Variants in PSMB2 observed in about 807,000 individuals in gnomAD.
PSMB2 encodes proteasome 20S subunit beta 2, also known as proteasome subunit beta type-2.
PSMB2 carries 13 observed loss-of-function variants against 25.7 expected under a neutral mutation model. The ratio of observed to expected loss-of-function variants is 0.51; its 90% CI spans 0.33 to 0.80. PSMB2 has a LOEUF of 0.80. PSMB2 is among the 30% of genes least tolerant of loss of function. The pLI, the probability that PSMB2 is intolerant of heterozygous loss-of-function variation, is 0.02. For missense variants in PSMB2, 202 were observed against 259.0 expected, an observed-to-expected ratio of 0.78 and a Z score of 1.51; for synonymous variants, 87 against 96.2, an observed-to-expected ratio of 0.90 and a Z score of 0.56.
chr1:35,641,426 A>C lies in PSMB2; in HGVS notation c.7T>G (p.Tyr3Asp). Reference sequence around the variant, plus strand: ...TCGGGGCCTTGGATACCGATGAGGTACTCCATGGTGGCGGAAGGCCAGGGG... The same window carrying C: ...TCGGGGCCTTGGATACCGATGAGGTCCTCCATGGTGGCGGAAGGCCAGGGG... ME[Y>D]LIGIQGPDYV... is the part of the protein sequence containing the mutation. Residue 3 changes from tyrosine to aspartate, a missense_variant, in exon 1 of 6, where the codon TAC (tyrosine) becomes GAC (aspartate). Coordinates refer to ENST00000373237, the MANE Select transcript of PSMB2 (RefSeq NM_002794.5). 1.2e-6 allele frequency: 2 copies of C among 1,613,982 alleles called. No homozygotes were observed. Among genetic ancestry groups the C allele is most frequent in the Admixed American group, 3.3e-5 (2 of 60,012 alleles).
chr1:35,623,787 C>T (rs969943197), intron 3 of PSMB2, among the ~76,000 whole-genome samples: 77 of 152,308 alleles, frequency 5.1e-4, no homozygotes, highest in African/African-American at 1.7e-3. Context: ...CTGCTAACCA[C>T]GTTTGCCAAA....
intron 1 of PSMB2, among the ~76,000 whole-genome samples, chr1:35,638,750 CAA>C (rs1444991844): frequency 6.6e-6 from 1 of 152,122 alleles, no homozygotes; most frequent in Admixed American, 6.5e-5. Context: ...ATAAGCAAAC[CAA>C]AAGTTATACC....
chr1:35,608,991 C>T (rs1033774928), intron 4 of PSMB2, among the ~76,000 whole-genome samples: 3 of 152,222 alleles, frequency 2.0e-5, no homozygotes, highest in Non-Finnish European at 1.5e-5. Flanking sequence ...TATTCCAATC[C>T]TCCTTCAAAA....
intron 3 of PSMB2, among the ~76,000 whole-genome samples, chr1:35,627,281 A>G (rs1650894427): frequency 6.7e-6 from 1 of 149,176 alleles, no homozygotes; most frequent in African/African-American, 2.5e-5. Flanking sequence ...AAAAAAAAAA[A>G]AGCACAACAA....
At chr1:35,619,199 T>A (rs996902801) in intron 3 of PSMB2, among the ~76,000 whole-genome samples, 2 of 152,236 alleles carry the variant, frequency 1.3e-5, no homozygotes, top group Non-Finnish European at 2.9e-5. Flanking sequence ...TGTTCAAATG[T>A]TTTTGCTTAA....
Position 35,601,756 on chromosome 1 carries a change from GT to G in PSMB2, c.*1510del, listed in dbSNP as rs777809008. 1 of 985,272 alleles carries G rather than the reference GT, an allele frequency of 1.0e-6. No homozygotes were observed. The highest frequency in any genetic ancestry group is 1.2e-6 in the Non-Finnish European group (1 of 829,902). The allele number at this position is 985,272 out of a possible 1,614,324, so 61.0% of individuals were successfully genotyped here. ...GGAGACCAAATGGTTTTGATATGTG[GT>G]TCCTAGACCAGCAGCATCAGTAGCA... On this transcript the variant is annotated 3_prime_UTR_variant, in exon 6 of 6. Transcript: ENST00000373237.
intron 2 of PSMB2, among the ~76,000 whole-genome samples, chr1:35,635,844 A>G (rs1023579864): frequency 7.3e-5 from 11 of 151,252 alleles, no homozygotes; most frequent in African/African-American, 1.9e-4. Context: ...AAAAAAAAAA[A>G]AAAAAAAAGA....
At chr1:35,621,704 T>C (rs1417299100) in intron 3 of PSMB2, among the ~76,000 whole-genome samples, 1 of 152,172 alleles carries the variant, frequency 6.6e-6, no homozygotes, top group East Asian at 1.9e-4. Context: ...AAATAACTCA[T>C]ACACATAAAA....
At chr1:35,624,122 G>T (rs1650777609) in intron 3 of PSMB2, among the ~76,000 whole-genome samples, 1 of 152,132 alleles carries the variant, frequency 6.6e-6, no homozygotes. Context: ...TGCTGGAAAT[G>T]ACTAAGACCT....
chr1:35,617,936 T>C (rs1189216171), intron 3 of PSMB2, among the ~76,000 whole-genome samples: 1 of 152,202 alleles, frequency 6.6e-6, no homozygotes, highest in Non-Finnish European at 1.5e-5. Flanking sequence ...GGTTAATTGG[T>C]GCCAAGGAAC....
Position 35,599,563 on chromosome 1 carries a change from T to C in PSMB2, c.*3704A>G, listed in dbSNP as rs1649927257. The C allele has an allele frequency of 1.0e-6, 1 of 984,786 alleles. No homozygotes were observed. Among genetic ancestry groups the C allele is most frequent in the East Asian group, 1.1e-4 (1 of 8,814 alleles). 61.0% of individuals were successfully genotyped at this position (984,786 alleles called of 1,614,324 possible). On this transcript the variant is annotated 3_prime_UTR_variant, in exon 6 of 6. Coordinates refer to ENST00000373237, the MANE Select transcript of PSMB2 (RefSeq NM_002794.5). ...AAATTTAGTTGGAACACAGGCTTTA[T>C]GAGGTGTAAAGGAGGGAAAGGAAGT...
chr1:35,632,396 A>G (rs1651131343), intron 2 of PSMB2, among the ~76,000 whole-genome samples: 1 of 152,260 alleles, frequency 6.6e-6, no homozygotes, highest in Non-Finnish European at 1.5e-5. Flanking sequence ...AGAAAATGTC[A>G]GTATGGAAAG....
chr1:35,637,373 A>T (rs1292197843), intron 1 of PSMB2, among the ~76,000 whole-genome samples: 2 of 152,228 alleles, frequency 1.3e-5, no homozygotes, highest in African/African-American at 4.8e-5. Flanking sequence ...GCTATTTAAA[A>T]TACCTCACAA....
chr1:35,630,452 GGT>G (rs1557457558), intron 3 of PSMB2, among the ~76,000 whole-genome samples: 1 of 152,164 alleles, frequency 6.6e-6, no homozygotes, highest in East Asian at 1.9e-4. Flanking sequence ...TCCTTCAGTA[GGT>G]GAATGGATAA....
intron 3 of PSMB2, among the ~76,000 whole-genome samples, chr1:35,623,674 A>AG (rs1650764235): frequency 6.6e-6 from 1 of 152,194 alleles, no homozygotes; most frequent in Admixed American, 6.5e-5. Context: ...AGGTGAGCTG[A>AG]AGGCAAGCCT....
intron 3 of PSMB2, among the ~76,000 whole-genome samples, chr1:35,613,385 A>AG (rs1449093712): frequency 6.6e-6 from 1 of 152,140 alleles, no homozygotes; most frequent in Non-Finnish European, 1.5e-5. Context: ...GGGAAAAAAA[A>AG]AAAAAAATCT....
intron 3 of PSMB2, 116 bp downstream of exon 3, chr1:35,631,158 G>A (rs895727732): frequency 1.1e-6 from 1 of 893,242 alleles, no homozygotes; most frequent in African/African-American, 1.7e-5. Context: ...AGTAGCAACA[G>A]GAGGGGTTCT....
At chr1:35,628,224 T>C (rs890873604) in intron 3 of PSMB2, among the ~76,000 whole-genome samples, 8 of 152,168 alleles carry the variant, frequency 5.3e-5, no homozygotes, top group Non-Finnish European at 8.8e-5. Context: ...CAGAGCCCCA[T>C]GTCACTGTCT....
intron 3 of PSMB2, among the ~76,000 whole-genome samples, chr1:35,619,189 T>G (rs549036738): frequency 6.6e-6 from 1 of 152,254 alleles, no homozygotes. Context: ...AATTAGCTCA[T>G]GTTCAAATGT....
Sources: allele counts gnomAD v4.1 joint callset (sites outside exome capture counted in the v4.1 genomes callset), GRCh38; gene constraint gnomAD v4.1.1; transcripts MANE v1.5; gene names NCBI Gene and HGNC (gene_info 2026-07-23, HGNC 2026-07-21).